CABLES2: variants seen among roughly 807,000 people sequenced by gnomAD.
CABLES2 encodes CDK5 and ABL1 enzyme substrate 2.
A neutral mutation model predicts 44.8 loss-of-function variants in CABLES2; 35 were observed. That is an observed-to-expected ratio of 0.78 (90% CI 0.60 to 1.04). CABLES2 has a LOEUF of 1.04. Ranked by LOEUF, CABLES2 falls within the 50% of genes least tolerant of loss-of-function variation. The probability of loss-of-function intolerance (pLI) is 0.00; values close to 1 mark genes in which losing one functional copy is unlikely to be tolerated. For missense variants in CABLES2, 566 were observed against 615.7 expected, an observed-to-expected ratio of 0.92 and a Z score of 0.85; for synonymous variants, 282 against 281.1, an observed-to-expected ratio of 1.00 and a Z score of -0.03.
In CABLES2 at chr20:62,390,881, T is replaced by C. The variant is rs2146416900; in HGVS notation, c.*90A>G. 6.6e-7 allele frequency: 1 copy of C among 1,507,102 alleles called. No homozygotes were observed. The highest frequency in any genetic ancestry group is 2.3e-5 in the East Asian group (1 of 43,756). The allele number at this position is 1,507,102 out of a possible 1,614,324, so 93.4% of individuals were successfully genotyped here. Reference sequence around the variant, plus strand: ...GCCTCCTGCTAGCAGGTGCTGGGGGTGCTGGCAGGAGGAGGCGCGGGGCTT... The same window carrying C: ...GCCTCCTGCTAGCAGGTGCTGGGGGCGCTGGCAGGAGGAGGCGCGGGGCTT... On this transcript the variant is annotated 3_prime_UTR_variant, in exon 10 of 10. Transcript: ENST00000279101.
Position 62,407,065 on chromosome 20 carries a change from G to T in CABLES2, c.212C>A (p.Pro71His). 9.3e-7 allele frequency: 1 copy of T among 1,077,440 alleles called. No individual in the cohort carries two copies. Among genetic ancestry groups the T allele is most frequent in the Non-Finnish European group, 1.1e-6 (1 of 889,154 alleles). 66.7% of individuals were successfully genotyped at this position (1,077,440 alleles called of 1,614,324 possible). Residue 71 changes from proline (P) to histidine (H), a missense_variant, in exon 1 of 10, where the codon CCC (proline) becomes CAC (histidine). By Grantham distance (77) the Pro-to-His change is moderately conservative. Coordinates refer to ENST00000279101, the MANE Select transcript of CABLES2 (RefSeq NM_031215.3). ...PPSLGPGGEK[P>H]PPPPAEAREP... ...GCGGGCCTCGGCGGGCGGCGGCGGG[G>T]GCTTCTCTCCGCCCGGGCCCAGGCT...
At chr20:62,404,552 C>T (rs1257215916) in intron 1 of CABLES2, 2 of 152,352 alleles carry the variant, frequency 1.3e-5, no homozygotes, top group South Asian at 2.1e-4. Context: ...ACCCTTCCCT[C>T]GATCAGCAGC....
chr20:62,398,004 A>ATGGCGG (rs1657577519), intron 1 of CABLES2, among the ~76,000 whole-genome samples: 1 of 62,214 alleles, frequency 1.6e-5, no homozygotes, highest in Non-Finnish European at 3.3e-5. Context: ...GATGATGGTG[A>ATGGCGG]TGGTTATGGC....
chr20:62,391,143 G>C lies in CABLES2; in HGVS notation c.1297-32C>G, dbSNP rs998059027. 24 of 1,609,746 alleles carry C rather than the reference G, an allele frequency of 1.5e-5. No individual in the cohort carries two copies. In the Admixed American group the frequency reaches 2.7e-4, roughly 18 times the overall value. The stretch of plus-strand genomic sequence containing the variant: ...GGGAGAAGAGAGAAGGGTTACACGG[G>C]AGCCTTCCCTCTTCCACATTTCCCA... On this transcript the variant is annotated intron_variant, in intron 9 of 9. Coordinates refer to ENST00000279101, the MANE Select transcript of CABLES2 (RefSeq NM_031215.3). This position sits in a 1 kb window ranked among gnomAD's most constrained non-coding sequence, Gnocchi z 5.7.
intron 1 of CABLES2, among the ~76,000 whole-genome samples, chr20:62,397,171 G>C (rs1048035306): frequency 1.3e-5 from 2 of 152,224 alleles, no homozygotes; most frequent in African/African-American, 2.4e-5. Context: ...TTCTGTTCCT[G>C]CTCTTCCAGT....
chr20:62,390,939 C>G lies in CABLES2; in HGVS notation c.*32G>C. 1.2e-6 allele frequency: 2 copies of G among 1,610,308 alleles called. No homozygotes were observed. Among genetic ancestry groups the G allele is most frequent in the Non-Finnish European group, 1.7e-6 (2 of 1,177,036 alleles). ...ACACCTCCCAGGCCGGCAAGTGCAC[C>G]TCGGTGCCCTGAGCCTTCTGTGGGG... On this transcript the variant is annotated 3_prime_UTR_variant, in exon 10 of 10. Transcript: ENST00000279101.
At chr20:62,397,135 C>T (rs779611374) in intron 1 of CABLES2, among the ~76,000 whole-genome samples, 10 of 152,208 alleles carry the variant, frequency 6.6e-5, no homozygotes, top group Non-Finnish European at 1.0e-4. Flanking sequence ...AGTGCCGTCA[C>T]GGGGGCTGCT....
At chr20:62,398,054 GGCGA>G (rs1569017425) in intron 1 of CABLES2, among the ~76,000 whole-genome samples, 1 of 145,746 alleles carries the variant, frequency 6.9e-6, no homozygotes, top group East Asian at 2.0e-4. Flanking sequence ...TGGTGGTGAT[GGCGA>G]TGGTGGTGGT....
chr20:62,392,576 A>G (rs1242793264), intron 7 of CABLES2, 81 bp from the exon 8 acceptor site: 19 of 1,050,126 alleles, frequency 1.8e-5, no homozygotes, highest in Non-Finnish European at 2.7e-5. Context: ...TGGATTTCTC[A>G]CTGTCCTGGG....
chr20:62,395,758 G>T (rs1226806446), intron 3 of CABLES2, among the ~76,000 whole-genome samples: 1 of 152,234 alleles, frequency 6.6e-6, no homozygotes, highest in African/African-American at 2.4e-5. Context: ...CACAAGGAGG[G>T]TGCCCGGCAG....
At chr20:62,394,583 C>A (rs769552206) in intron 4 of CABLES2, among the ~76,000 whole-genome samples, 14 of 152,202 alleles carry the variant, frequency 9.2e-5, no homozygotes, top group Non-Finnish European at 1.9e-4. Flanking sequence ...TAAGCCAGGG[C>A]CACACATAAT....
chr20:62,399,754 T>C (rs1406378452), intron 1 of CABLES2, among the ~76,000 whole-genome samples: 2 of 151,768 alleles, frequency 1.3e-5, no homozygotes, highest in African/African-American at 2.4e-5. Flanking sequence ...TCACCATGCC[T>C]GGCTAGTTTT....
rs1987907136 is a variant in CABLES2, at chr20:62,391,070, T to C, written c.1338A>G (p.Ile446Met). 6.2e-7 allele frequency: 1 copy of C among 1,614,004 alleles called. No individual in the cohort carries two copies. Among genetic ancestry groups the C allele is most frequent in the Non-Finnish European group, 8.5e-7 (1 of 1,180,030 alleles). ...CCACGAGCACTGTGAACTCAAACCC[T>C]ATCAGGTCGCGCCTGTTGAATCGAA... ...ERFRFNRRDLIGFEFTVLVAL... is the reference protein window; with the variant it reads ...ERFRFNRRDLMGFEFTVLVAL... Residue 446 changes from isoleucine (I) to methionine (M), a missense_variant, in exon 10 of 10, where the codon ATA (isoleucine) becomes ATG (methionine). Coordinates refer to ENST00000279101, the MANE Select transcript of CABLES2 (RefSeq NM_031215.3). The surrounding 1 kb of genome is among the most constrained non-coding windows in gnomAD (Gnocchi z 5.7).
Position 62,396,934 on chromosome 20 carries a change from C to T in CABLES2, c.363-342G>A, listed in dbSNP as rs1422783386. On this transcript the variant is annotated intron_variant, in intron 1 of 9. Coordinates refer to ENST00000279101, the MANE Select transcript of CABLES2 (RefSeq NM_031215.3). This position sits in a 1 kb window ranked among gnomAD's most constrained non-coding sequence, Gnocchi z 5.7. Reference sequence around the variant, plus strand: ...GCCCCAAGCAACACCCTGCTGGGGGCACCACCAACTCTGACAGGCCCATCC... The same window carrying T: ...GCCCCAAGCAACACCCTGCTGGGGGTACCACCAACTCTGACAGGCCCATCC... 6.6e-6 allele frequency among the ~76,000 whole-genome samples: 1 copy of T among 152,176 alleles called. No homozygotes were observed. The highest frequency in any genetic ancestry group is 1.5e-5 in the Non-Finnish European group (1 of 68,028).
intron 4 of CABLES2, 41 bp downstream of exon 4, chr20:62,394,896 C>G: frequency 6.3e-7 from 1 of 1,585,248 alleles, no homozygotes; most frequent in Non-Finnish European, 8.6e-7. Context: ...TGCCTTCTGC[C>G]TAGATGGACA....
intron 1 of CABLES2, chr20:62,406,069 GGGGAGCAGT>G (rs1988277405): frequency 6.5e-6 from 1 of 154,038 alleles, no homozygotes; most frequent in Non-Finnish European, 1.5e-5. Context: ...ATCAAGGCAG[GGGGAGCAGT>G]GGAGACCCAG....
At chr20:62,397,914 GCA>G (rs1988050242) in intron 1 of CABLES2, among the ~76,000 whole-genome samples, 2 of 107,660 alleles carry the variant, frequency 1.9e-5, no homozygotes, top group Admixed American at 2.0e-4. Context: ...GATGGTGATG[GCA>G]GTGGTGATGG....
At chr20:62,398,120 GGTGGTT>G (rs1569017672) in intron 1 of CABLES2, among the ~76,000 whole-genome samples, 66 of 143,978 alleles carry the variant, frequency 4.6e-4, no homozygotes, top group Middle Eastern at 3.6e-3. Context: ...TGGTGGTGGT[GGTGGTT>G]ATGACGGTGG....
intron 1 of CABLES2, among the ~76,000 whole-genome samples, chr20:62,397,983 G>GTGA (rs1569017271): frequency 1.5e-5 from 1 of 68,670 alleles, no homozygotes; most frequent in African/African-American, 7.3e-5. Context: ...AGTGGTGATG[G>GTGA]CGGTGGTGGT....
Sources: gnomAD v4.1 joint callset for allele counts (sites outside exome capture counted in the v4.1 genomes callset) on GRCh38, gnomAD v4.1.1 for gene constraint, Gnocchi (gnomAD v3.1) non-coding constraint, MANE v1.5 for transcripts, NCBI Gene and HGNC (gene_info 2026-07-23, HGNC 2026-07-21) for gene names.